CDH13: variants seen among roughly 807,000 people sequenced by gnomAD.
CDH13 encodes the protein cadherin 13.
A neutral mutation model predicts 63.8 loss-of-function variants in CDH13; 24 were observed. The ratio of observed to expected loss-of-function variants is 0.38; its 90% CI spans 0.27 to 0.53. The LOEUF (loss-of-function observed/expected upper bound fraction) is 0.53. Ranked by LOEUF, CDH13 falls within the 20% of genes least tolerant of loss-of-function variation. The pLI is 0.85. For synonymous variants in CDH13, 503 were observed against 355.3 expected (o/e 1.42, Z -4.67); for missense variants, 1,049 against 903.1 (o/e 1.16, Z -2.07).
At chr16:83,611,190 C>G (rs1463459625) in intron 8 of CDH13, among the ~76,000 whole-genome samples, 1 of 151,908 alleles carries the variant, frequency 6.6e-6, no homozygotes, top group Non-Finnish European at 1.5e-5. Context: ...GGATGTGAGT[C>G]CTTTGAGTTA....
intron 8 of CDH13, among the ~76,000 whole-genome samples, chr16:83,669,427 T>C (rs980552615): frequency 4.6e-5 from 7 of 152,198 alleles, no homozygotes; most frequent in African/African-American, 1.2e-4. Context: ...GAAGAGAAGA[T>C]AGAAGATAGG....
intron 5 of CDH13, among the ~76,000 whole-genome samples, chr16:83,250,438 C>T (rs1182475909): frequency 6.6e-6 from 1 of 152,006 alleles, no homozygotes. Flanking sequence ...AATTTCGGGG[C>T]GTGATGAGCC....
chr16:83,260,023 G>T (rs1025397180), intron 5 of CDH13, among the ~76,000 whole-genome samples: 1 of 149,878 alleles, frequency 6.7e-6, no homozygotes, highest in Non-Finnish European at 1.5e-5. Context: ...AGTCAAAGAT[G>T]AGGACTTTCA....
chr16:83,190,393 CA>C (rs1187279352), intron 4 of CDH13, among the ~76,000 whole-genome samples: 1 of 152,184 alleles, frequency 6.6e-6, no homozygotes, highest in African/African-American at 2.4e-5. Context: ...CTACCAAAGT[CA>C]AATTGCATTT....
chr16:82,987,248 G>T (rs111595987), intron 2 of CDH13, among the ~76,000 whole-genome samples: 1 of 152,192 alleles, frequency 6.6e-6, no homozygotes, highest in East Asian at 1.9e-4. Flanking sequence ...CCTTAAACTC[G>T]CCCAAAAGGA....
At chr16:83,296,518 C>G (rs1165279567) in intron 5 of CDH13, among the ~76,000 whole-genome samples, 1 of 152,122 alleles carries the variant, frequency 6.6e-6, no homozygotes, top group African/African-American at 2.4e-5. Flanking sequence ...TGGTAGACCT[C>G]TGTAGTTTAT....
At chr16:83,231,758 T>C (rs2040003700) in intron 5 of CDH13, among the ~76,000 whole-genome samples, 1 of 152,154 alleles carries the variant, frequency 6.6e-6, no homozygotes, top group Non-Finnish European at 1.5e-5. Context: ...CCGGACTAGA[T>C]GAACCCTGGT....
At chr16:82,636,972 G>A (rs545846739) in intron 1 of CDH13, among the ~76,000 whole-genome samples, 1 of 152,316 alleles carries the variant, frequency 6.6e-6, no homozygotes, top group Non-Finnish European at 1.5e-5. Context: ...ATGACCTTCA[G>A]CAAGCAGCTT....
At chr16:83,042,685 C>G (rs893074185) in intron 3 of CDH13, among the ~76,000 whole-genome samples, 2 of 152,176 alleles carry the variant, frequency 1.3e-5, no homozygotes, top group Non-Finnish European at 2.9e-5. Flanking sequence ...GGGACTGCTG[C>G]TCTAAATAAT....
At chr16:83,429,975 C>T (rs2072045709) in intron 6 of CDH13, among the ~76,000 whole-genome samples, 1 of 152,148 alleles carries the variant, frequency 6.6e-6, no homozygotes, top group Non-Finnish European at 1.5e-5. Context: ...CCCTGGCAAC[C>T]ACCATTCCCC....
intron 8 of CDH13, among the ~76,000 whole-genome samples, chr16:83,657,140 T>C (rs1264439578): frequency 1.3e-5 from 2 of 152,204 alleles, no homozygotes; most frequent in Admixed American, 6.5e-5. Context: ...TGTAGGCTCT[T>C]CCTTTGAGAA....
intron 3 of CDH13, among the ~76,000 whole-genome samples, chr16:83,066,931 C>T (rs956183565): frequency 1.3e-5 from 2 of 152,168 alleles, no homozygotes; most frequent in African/African-American, 4.8e-5. Flanking sequence ...CCAAGGGGTT[C>T]AGACTGTCTT....
At chr16:83,493,322 T>C (rs2074061632) in intron 7 of CDH13, among the ~76,000 whole-genome samples, 1 of 152,190 alleles carries the variant, frequency 6.6e-6, no homozygotes, top group African/African-American at 2.4e-5. Flanking sequence ...TTTCTTTAAA[T>C]TGAATGAAAG....
chr16:83,673,708 G>A (rs933637595), intron 9 of CDH13, among the ~76,000 whole-genome samples: 7 of 152,210 alleles, frequency 4.6e-5, no homozygotes, highest in African/African-American at 1.4e-4. Flanking sequence ...CATCTGCAAT[G>A]TTAGTTAAAA....
intron 7 of CDH13, among the ~76,000 whole-genome samples, chr16:83,548,190 C>T (rs2075424385): frequency 6.6e-6 from 1 of 152,002 alleles, no homozygotes; most frequent in African/African-American, 2.4e-5. Context: ...GAGAGGTAGA[C>T]AGATTGAGGT....
At chr16:82,840,404 C>T (rs895684098) in intron 1 of CDH13, among the ~76,000 whole-genome samples, 6 of 149,720 alleles carry the variant, frequency 4.0e-5, no homozygotes, top group East Asian at 1.9e-4. Context: ...AAAACTTGGC[C>T]GGGTGCAGTG....
At chr16:82,791,932 G>C (rs181717775) in intron 1 of CDH13, among the ~76,000 whole-genome samples, 1 of 152,122 alleles carries the variant, frequency 6.6e-6, no homozygotes, top group African/African-American at 2.4e-5. Flanking sequence ...TCTTGGGAGC[G>C]GCCCGCCCCA....
intron 2 of CDH13, among the ~76,000 whole-genome samples, chr16:82,912,898 A>C (rs1037633719): frequency 6.6e-5 from 10 of 151,480 alleles, no homozygotes; most frequent in East Asian, 1.9e-4. Context: ...AGCCGAGATC[A>C]CGCCACTGCA....
intron 5 of CDH13, among the ~76,000 whole-genome samples, chr16:83,228,549 A>G (rs1181448759): frequency 6.6e-6 from 1 of 152,252 alleles, no homozygotes. Context: ...TTACAGGTTC[A>G]GCCTTCGGAA....
Sources: gnomAD v4.1 joint callset for allele counts (sites outside exome capture counted in the v4.1 genomes callset) on GRCh38, gnomAD v4.1.1 for gene constraint, MANE v1.5 for transcripts, NCBI Gene and HGNC (gene_info 2026-07-23, HGNC 2026-07-21) for gene names.